RECQL5: variants seen among roughly 807,000 people sequenced by gnomAD.
RECQL5 encodes the protein RecQ like helicase 5, also known as ATP-dependent DNA helicase Q5.
Under a neutral mutation model 103.4 loss-of-function variants are expected in RECQL5, and 88 were observed. The ratio of observed to expected loss-of-function variants is 0.85; its 90% CI spans 0.72 to 1.02. The LOEUF is 1.02. Ranked by LOEUF, RECQL5 falls within the 50% of genes least tolerant of loss-of-function variation. The pLI is 0.00. For missense variants in RECQL5, 1,232 were observed against 1,284.3 expected (o/e 0.96, Z 0.62); for synonymous variants, 552 against 507.9 (o/e 1.09, Z -1.17).
rs142289962 is a variant in RECQL5 at position 75,633,086 on chromosome 17, C to T, written c.1230-1418G>A. 1.5e-3 allele frequency among the ~76,000 whole-genome samples: 236 copies of T among 152,362 alleles called. 2 individuals carry two copies. Among genetic ancestry groups the T allele is most frequent in the African/African-American group, 5.5e-3 (229 of 41,586 alleles). Reference sequence around the variant, plus strand: ...CTGACCTGGGCTGGGACAGCCGAGGCGGCCACCAGAGGGCGCTCCTGCCCC... The same window carrying T: ...CTGACCTGGGCTGGGACAGCCGAGGTGGCCACCAGAGGGCGCTCCTGCCCC... On this transcript the variant is annotated intron_variant, in intron 8 of 19. Transcript: ENST00000317905.
chr17:75,640,940 A>G lies in RECQL5; in HGVS notation c.1230-9272T>C, dbSNP rs2059425929. On this transcript the variant is annotated intron_variant, in intron 8 of 19. Transcript: ENST00000317905. The surrounding 1 kb of genome is among the most constrained non-coding windows in gnomAD (Gnocchi z 4.6). ...AGGAGAAGCTGGAGAGGAGATGGCC[A>G]ATGCCATGACACAGGCCATCAGCCT... 1 of 1,534,470 alleles carries G rather than the reference A, an allele frequency of 6.5e-7. No individual in the cohort carries two copies. Among genetic ancestry groups the G allele is most frequent in the African/African-American group, 1.4e-5 (1 of 72,982 alleles).
rs73995941 is a variant in RECQL5 at position 75,629,893 on chromosome 17, A to T, written c.1813-51T>A. On this transcript the variant is annotated intron_variant, in intron 14 of 19. Transcript: ENST00000317905. ...GTGGCACCCGCCAGCTCCTCCTGAC[A>T]TGCCCCACCTAGCCCTCCTTTTCTA... 2,890 of 1,556,366 alleles carry T rather than the reference A, an allele frequency of 1.9e-3. 44 individuals are homozygous for T. The African/African-American group carries it at 0.034, about 18-fold the overall frequency.
intron 8 of RECQL5, among the ~76,000 whole-genome samples, chr17:75,642,302 A>G (rs2059444096): frequency 6.6e-6 from 1 of 152,160 alleles, no homozygotes; most frequent in Non-Finnish European, 1.5e-5. Context: ...TGTTTTTCAC[A>G]TGCTTCCATC....
Position 75,665,184 on chromosome 17 carries a change from C to A in RECQL5, c.131-12G>T. The stretch of plus-strand genomic sequence containing the variant: ...GACGTCCTTGTTACCTGAAAAAATA[C>A]AAGACAACAATATCTCAGTGCTTCC... On this transcript the variant is annotated splice_polypyrimidine_tract_variant and intron_variant, in intron 2 of 19. Coordinates refer to ENST00000317905, the MANE Select transcript of RECQL5 (RefSeq NM_004259.7). 1 of 1,604,226 alleles carries A rather than the reference C, an allele frequency of 6.2e-7. No individual in the cohort carries two copies. The highest frequency in any genetic ancestry group is 1.1e-5 in the South Asian group (1 of 88,872).
intron 7 of RECQL5, among the ~76,000 whole-genome samples, chr17:75,654,228 A>T (rs1223593909): frequency 6.6e-6 from 1 of 152,040 alleles, no homozygotes; most frequent in African/African-American, 2.4e-5. Flanking sequence ...ATTTACTTAG[A>T]TTTCAGTATG....
At position 75,634,087 on chromosome 17, in the gene RECQL5, G is replaced by C; in HGVS notation, c.1230-2419C>G. The C allele has an allele frequency of 3.0e-6, 3 of 985,610 alleles. No homozygotes were observed. The South Asian group carries it at 1.4e-4, about 46-fold the overall frequency. The allele number at this position is 985,610 out of a possible 1,614,324, so 61.1% of individuals were successfully genotyped here. Reference sequence around the variant, plus strand: ...AGACAGCAGCTGGCTGTCAGCAGAGGAGCTGGGCTGAGGCGCCCAGGGGAG... The same window carrying C: ...AGACAGCAGCTGGCTGTCAGCAGAGCAGCTGGGCTGAGGCGCCCAGGGGAG... On this transcript the variant is annotated intron_variant, in intron 8 of 19. Transcript: ENST00000317905.
At chr17:75,630,359 G>C in intron 13 of RECQL5, 82 bp from the exon 14 acceptor site, 2 of 1,268,296 alleles carry the variant, frequency 1.6e-6, no homozygotes, top group Non-Finnish European at 2.2e-6. Context: ...CTCCAGGCCT[G>C]GTGGGGTAGG....
intron 5 of RECQL5, 38 bp downstream of exon 5, chr17:75,661,568 G>C (rs376414360): frequency 7.0e-7 from 1 of 1,423,390 alleles, no homozygotes; most frequent in African/African-American, 1.4e-5. Flanking sequence ...AGAAGCCTCT[G>C]AGGGTGAAGA....
chr17:75,628,722 G>A lies in RECQL5; in HGVS notation c.2530C>T (p.Pro844Ser). The A allele has an allele frequency of 6.3e-7, 1 of 1,590,804 alleles. No homozygotes were observed. The highest frequency in any genetic ancestry group is 8.5e-7 in the Non-Finnish European group (1 of 1,174,452). Residue 844 changes from proline (P) to serine (S), a missense_variant, in exon 17 of 20, where the codon CCC becomes TCC. Pro to Ser is a moderately conservative substitution (Grantham distance 74, BLOSUM62 -1). Coordinates refer to ENST00000317905, the MANE Select transcript of RECQL5 (RefSeq NM_004259.7). Reference protein sequence around the residue: ...PRDQGTPEVQPTPAKDTWKGK... With the variant: ...PRDQGTPEVQSTPAKDTWKGK... ...TTCCATGTGTCCTTTGCAGGGGTGG[G>A]CTGGACTTCAGGGGTGCCCTGGTCT...
At chr17:75,664,558 A>G (rs2059741917) in intron 3 of RECQL5, among the ~76,000 whole-genome samples, 1 of 152,196 alleles carries the variant, frequency 6.6e-6, no homozygotes, top group South Asian at 2.1e-4. Flanking sequence ...ACCAGTGGAG[A>G]ACACTACATT....
chr17:75,653,190 A>G (rs189374100), intron 7 of RECQL5, among the ~76,000 whole-genome samples: 1 of 152,334 alleles, frequency 6.6e-6, no homozygotes, highest in East Asian at 1.9e-4. Context: ...CCCACAGCTG[A>G]GCAACAACAG....
Position 75,627,267 on chromosome 17 carries a change from T to G in RECQL5, c.*155A>C. 1.4e-6 allele frequency: 1 copy of G among 710,682 alleles called. No individual in the cohort carries two copies. Among genetic ancestry groups the G allele is most frequent in the Non-Finnish European group, 2.5e-6 (1 of 394,326 alleles). The allele number at this position is 710,682 out of a possible 1,614,324, so 44.0% of individuals were successfully genotyped here. On this transcript the variant is annotated 3_prime_UTR_variant, in exon 20 of 20. Transcript: ENST00000317905. ...AAGGTGGGCTGACCTCTGACCTGGA[T>G]TCAGGGGGTGTCTGGGGTCATCCCC...
At chr17:75,634,269 G>C in intron 8 of RECQL5, 4 of 985,020 alleles carry the variant, frequency 4.1e-6, no homozygotes, top group Non-Finnish European at 4.8e-6. Context: ...CTGCCCCCAG[G>C]GTGAAGGGCC....
intron 7 of RECQL5, among the ~76,000 whole-genome samples, chr17:75,656,135 C>T (rs1210474181): frequency 2.0e-5 from 3 of 152,156 alleles, no homozygotes; most frequent in Admixed American, 6.5e-5. Context: ...AATGCAATGG[C>T]GCGATCTCGG....
intron 8 of RECQL5, among the ~76,000 whole-genome samples, chr17:75,635,507 G>T (rs910657296): frequency 1.3e-5 from 2 of 152,198 alleles, no homozygotes; most frequent in African/African-American, 4.8e-5. Context: ...GCTTCCTCCC[G>T]CCCTGGGTGG....
intron 5 of RECQL5, 98 bp downstream of exon 5, chr17:75,661,508 A>G: frequency 1.2e-6 from 1 of 805,404 alleles, no homozygotes; most frequent in Non-Finnish European, 2.1e-6. Context: ...CTGCAATAAG[A>G]TGGTGGGTCA....
rs1156848124 is a variant in RECQL5, at chr17:75,636,800, G to C, written c.1230-5132C>G. 6.6e-6 allele frequency: 1 copy of C among 152,490 alleles called. No homozygotes were observed. The highest frequency in any genetic ancestry group is 1.9e-4 in the East Asian group (1 of 5,204). The allele number at this position is 152,490 out of a possible 1,614,324, so 9.4% of individuals were successfully genotyped here. On this transcript the variant is annotated intron_variant, in intron 8 of 19. Transcript: ENST00000317905. The surrounding 1 kb of genome is among the most constrained non-coding windows in gnomAD (Gnocchi z 5.4). ...GGGGTTCCTCTCCAGCTCTCTGGGG[G>C]CAGAACAGCCACGTCCAACGGTCCT...
intron 8 of RECQL5, among the ~76,000 whole-genome samples, chr17:75,633,193 T>C (rs1471831831): frequency 1.3e-5 from 2 of 152,248 alleles, no homozygotes; most frequent in African/African-American, 2.4e-5. Flanking sequence ...CTGTCCAGCC[T>C]CTGGGAGGCT....
rs138554580 is a variant in RECQL5 at position 75,635,913 on chromosome 17, G to C, written c.1230-4245C>G. On this transcript the variant is annotated intron_variant, in intron 8 of 19. Transcript: ENST00000317905. Reference sequence around the variant, plus strand: ...GGAAACAGGGAAGCTTCGGGACCAAGTGGCAGCTGTCTGGCCTGCGGGATG... The same window carrying C: ...GGAAACAGGGAAGCTTCGGGACCAACTGGCAGCTGTCTGGCCTGCGGGATG... 344 of 969,130 alleles carry C rather than the reference G, an allele frequency of 3.5e-4. 1 individual carries two copies. In the East Asian group the frequency reaches 0.012, roughly 35 times the overall value. 60.0% of individuals were successfully genotyped at this position (969,130 alleles called of 1,614,324 possible).
Sources: allele counts gnomAD v4.1 joint callset (sites outside exome capture counted in the v4.1 genomes callset), GRCh38; gene constraint gnomAD v4.1.1; non-coding constraint Gnocchi (gnomAD v3.1); transcripts MANE v1.5; gene names NCBI Gene and HGNC (gene_info 2026-07-23, HGNC 2026-07-21).